Variants in CSMD3 observed in about 807,000 individuals in gnomAD.
The protein encoded by CSMD3 is CUB and sushi domain-containing protein 3.
A neutral mutation model predicts 435.2 loss-of-function variants in CSMD3; 177 were observed. That is an observed-to-expected ratio of 0.41 (90% CI 0.36 to 0.46). The LOEUF is 0.46. CSMD3 is among the 20% of genes least tolerant of loss of function. The probability of loss-of-function intolerance (pLI) is 0.34; values close to 1 mark genes in which losing one functional copy is unlikely to be tolerated. For synonymous variants in CSMD3, 1,656 were observed against 1,520.5 expected, an observed-to-expected ratio of 1.09 and a Z score of -2.07; for missense variants, 4,265 against 4,504.6, an observed-to-expected ratio of 0.95 and a Z score of 1.52.
intron 3 of CSMD3, among the ~76,000 whole-genome samples, chr8:113,259,102 C>CA (rs938023641): frequency 7.9e-5 from 12 of 151,946 alleles, no homozygotes; most frequent in African/African-American, 2.9e-4. Flanking sequence ...AAGTTGATTG[C>CA]AAAAAAATGC....
intron 3 of CSMD3, among the ~76,000 whole-genome samples, chr8:113,219,104 C>A (rs2092938609): frequency 1.3e-5 from 2 of 151,222 alleles, no homozygotes; most frequent in Non-Finnish European, 3.0e-5. Context: ...ATACATCAAT[C>A]TAAAATCAAT....
rs1821266257 is a variant in CSMD3, at chr8:112,304,812, A to G, written c.8175T>C (p.Cys2725=). The part of the protein sequence containing the change: ...YEYKTKVVFS[C]DPGYHGLGPA... ...GACCTAGTCCATGATAACCAGGGTC[A>G]CAGCTGAAAACTACTTTGGTTTTGT... Residue 2725 remains cysteine, a synonymous_variant, in exon 52 of 71, where the codon TGT becomes TGC. Transcript: ENST00000297405. 3.7e-6 allele frequency: 6 copies of G among 1,613,818 alleles called. No homozygotes were observed. The East Asian group carries it at 1.3e-4, about 36-fold the overall frequency.
chr8:112,587,689 G>A (rs1830847778), intron 22 of CSMD3, among the ~76,000 whole-genome samples: 1 of 151,354 alleles, frequency 6.6e-6, no homozygotes, highest in Non-Finnish European at 1.5e-5. Flanking sequence ...CTAATACTCA[G>A]TATTCCGCTG....
chr8:113,023,876 G>GTAAT (rs2086776711), intron 5 of CSMD3, among the ~76,000 whole-genome samples: 1 of 152,050 alleles, frequency 6.6e-6, no homozygotes, highest in African/African-American at 2.4e-5. Flanking sequence ...TCAAATCAGA[G>GTAAT]TAATTAGCAT....
intron 43 of CSMD3, 48 bp from the exon 44 acceptor site, chr8:112,336,877 A>G: frequency 6.8e-7 from 1 of 1,478,214 alleles, no homozygotes; most frequent in Non-Finnish European, 9.4e-7. Context: ...ATAACAATAA[A>G]CTGACTGTGG....
At chr8:112,415,591 A>C (rs935818560) in intron 32 of CSMD3, among the ~76,000 whole-genome samples, 7 of 152,146 alleles carry the variant, frequency 4.6e-5, no homozygotes, top group African/African-American at 1.7e-4. Flanking sequence ...CGTCCTCCAG[A>C]TCCAGATGGT....
intron 13 of CSMD3, among the ~76,000 whole-genome samples, chr8:112,790,712 A>T (rs2078666599): frequency 6.6e-6 from 1 of 152,162 alleles, no homozygotes; most frequent in South Asian, 2.1e-4. Context: ...TAACCACTTC[A>T]ACATTTAAAA....
At chr8:113,239,055 C>T (rs1032582420) in intron 3 of CSMD3, among the ~76,000 whole-genome samples, 1 of 152,176 alleles carries the variant, frequency 6.6e-6, no homozygotes. Flanking sequence ...AAAAGTCTCA[C>T]CTTCCCCCTA....
chr8:112,795,944 A>G (rs1417551003), intron 13 of CSMD3, among the ~76,000 whole-genome samples: 4 of 152,136 alleles, frequency 2.6e-5, no homozygotes, highest in Admixed American at 2.0e-4. Context: ...CTTAAGAAAT[A>G]CCAAGTAACT....
intron 13 of CSMD3, among the ~76,000 whole-genome samples, chr8:112,766,861 G>T (rs1042069689): frequency 6.6e-6 from 1 of 151,728 alleles, no homozygotes; most frequent in East Asian, 1.9e-4. Flanking sequence ...TTAGAAATGG[G>T]GGGTTTAAAT....
At chr8:112,230,544 T>A (rs369501258) in intron 69 of CSMD3, among the ~76,000 whole-genome samples, 1 of 152,198 alleles carries the variant, frequency 6.6e-6, no homozygotes, top group Non-Finnish European at 1.5e-5. Flanking sequence ...ATCCCAGCAC[T>A]TGGGGAGGCC....
At chr8:112,785,304 T>C (rs2078508709) in intron 13 of CSMD3, among the ~76,000 whole-genome samples, 2 of 151,802 alleles carry the variant, frequency 1.3e-5, no homozygotes, top group African/African-American at 4.8e-5. Flanking sequence ...GGTAGTATAA[T>C]ACTAAATAGG....
At chr8:112,940,712 A>C (rs1229856038) in intron 9 of CSMD3, among the ~76,000 whole-genome samples, 1 of 151,806 alleles carries the variant, frequency 6.6e-6, no homozygotes, top group Non-Finnish European at 1.5e-5. Flanking sequence ...AAAATATAAC[A>C]AGTAAGATAC....
intron 4 of CSMD3, among the ~76,000 whole-genome samples, chr8:113,113,366 T>G (rs1408642466): frequency 6.6e-6 from 1 of 152,212 alleles, no homozygotes; most frequent in Non-Finnish European, 1.5e-5. Flanking sequence ...ATAGTAATGT[T>G]GCATCTCTTT....
At chr8:112,662,119 G>C (rs1000061348) in intron 17 of CSMD3, among the ~76,000 whole-genome samples, 4 of 152,084 alleles carry the variant, frequency 2.6e-5, no homozygotes, top group African/African-American at 9.7e-5. Context: ...TAGATTCAAT[G>C]CCATCCCCAT....
At chr8:112,732,838 A>C (rs1406485747) in intron 13 of CSMD3, among the ~76,000 whole-genome samples, 1 of 152,166 alleles carries the variant, frequency 6.6e-6, no homozygotes, top group Admixed American at 6.6e-5. Context: ...ACTTAATTGC[A>C]TAAAATCTGG....
intron 22 of CSMD3, among the ~76,000 whole-genome samples, chr8:112,587,775 C>A (rs1244877413): frequency 6.6e-6 from 1 of 151,612 alleles, no homozygotes; most frequent in African/African-American, 2.4e-5. Flanking sequence ...GTTAAACCCC[C>A]CTGGTAATAA....
chr8:113,151,339 A>C (rs764460703), intron 4 of CSMD3, among the ~76,000 whole-genome samples: 2 of 151,930 alleles, frequency 1.3e-5, no homozygotes, highest in Admixed American at 6.6e-5. Context: ...TATTGTGCTA[A>C]AGGTTCATTT....
At chr8:112,241,513 A>T (rs1814141197) in intron 66 of CSMD3, among the ~76,000 whole-genome samples, 1 of 152,072 alleles carries the variant, frequency 6.6e-6, no homozygotes, top group Non-Finnish European at 1.5e-5. Flanking sequence ...TTTTTAGCAG[A>T]CGGAACTATG....
Sources: allele counts gnomAD v4.1 joint callset (sites outside exome capture counted in the v4.1 genomes callset), GRCh38; gene constraint gnomAD v4.1.1; transcripts MANE v1.5; gene names NCBI Gene and HGNC (gene_info 2026-07-23, HGNC 2026-07-21).